The following SHLD1 variants were observed in gnomAD, a reference collection of about 807,000 sequenced individuals.
SHLD1 encodes RINN1-REV7-interacting novel NHEJ regulator 3.
A neutral mutation model predicts 5.5 loss-of-function variants in SHLD1; 3 were observed. That is an observed-to-expected ratio of 0.54 (90% CI 0.25 to 1.40). The LOEUF (loss-of-function observed/expected upper bound fraction) is 1.40. Among genes scored for constraint, SHLD1 ranks in the 40% most tolerant of loss-of-function variants. The pLI, the probability that SHLD1 is intolerant of heterozygous loss-of-function variation, is 0.15. For synonymous variants in SHLD1, 92 were observed against 94.3 expected, an observed-to-expected ratio of 0.98 and a Z score of 0.14; for missense variants, 210 against 244.4, an observed-to-expected ratio of 0.86 and a Z score of 0.94.
intron 2 of SHLD1, chr20:5,773,370 T>G (rs1985278846): frequency 3.5e-6 from 2 of 574,846 alleles, no homozygotes; most frequent in South Asian, 2.3e-5. Flanking sequence ...TTTTTTTGTT[T>G]TGTTCTTTTA....
chr20:5,761,457 C>T (rs1396760887), intron 1 of SHLD1, among the ~76,000 whole-genome samples: 5 of 151,314 alleles, frequency 3.3e-5, no homozygotes, highest in African/African-American at 1.2e-4. Context: ...AACAAAATGG[C>T]CCCTGGATGG....
intron 2 of SHLD1, among the ~76,000 whole-genome samples, chr20:5,840,298 C>A (rs900472701): frequency 3.3e-5 from 5 of 152,190 alleles, no homozygotes; most frequent in African/African-American, 1.2e-4. Flanking sequence ...CACTCAATAC[C>A]TATTCCAATC....
intron 2 of SHLD1, among the ~76,000 whole-genome samples, chr20:5,816,030 G>C (rs1295420130): frequency 7.1e-6 from 1 of 140,494 alleles, no homozygotes; most frequent in Admixed American, 7.7e-5. Context: ...GCAGTGAGCT[G>C]AGATCACACC....
At chr20:5,819,417 TTG>T (rs1445047198) in intron 2 of SHLD1, among the ~76,000 whole-genome samples, 1 of 152,256 alleles carries the variant, frequency 6.6e-6, no homozygotes, top group Admixed American at 6.5e-5. Context: ...ATGTTTGCCT[TTG>T]TAATTGCTTC....
intron 2 of SHLD1, among the ~76,000 whole-genome samples, chr20:5,848,181 A>G (rs1313460873): frequency 6.6e-6 from 1 of 152,224 alleles, no homozygotes; most frequent in Admixed American, 6.5e-5. Context: ...CACACAAAGC[A>G]ACACTCTTGC....
At chr20:5,770,092 A>G (rs1003947747) in intron 1 of SHLD1, among the ~76,000 whole-genome samples, 2 of 151,584 alleles carry the variant, frequency 1.3e-5, no homozygotes, top group African/African-American at 4.8e-5. Flanking sequence ...TTCGGCTACT[A>G]TTGACTTTCT....
At chr20:5,753,868 C>T (rs1347358861) in intron 1 of SHLD1, among the ~76,000 whole-genome samples, 4 of 152,174 alleles carry the variant, frequency 2.6e-5, no homozygotes, top group Non-Finnish European at 5.9e-5. Context: ...GGGGGAGATC[C>T]GTTCGGAACC....
intron 2 of SHLD1, among the ~76,000 whole-genome samples, chr20:5,849,284 G>C (rs562079514): frequency 2.0e-5 from 3 of 152,228 alleles, no homozygotes; most frequent in Non-Finnish European, 4.4e-5. Context: ...CGATGGTTCA[G>C]AGTGAATCAG....
chr20:5,823,452 G>A (rs1205166838), intron 2 of SHLD1, among the ~76,000 whole-genome samples: 1 of 141,632 alleles, frequency 7.1e-6, no homozygotes, highest in African/African-American at 2.6e-5. Context: ...GTTGTTTTTT[G>A]TTTTTTTTTT....
chr20:5,775,216 A>AT (rs1985369943), intron 2 of SHLD1, among the ~76,000 whole-genome samples: 2 of 150,264 alleles, frequency 1.3e-5, no homozygotes, highest in Admixed American at 1.3e-4. Flanking sequence ...TTTTTTTTTA[A>AT]TTTTTTTGTA....
At chr20:5,777,618 A>G in intron 2 of SHLD1, among the ~76,000 whole-genome samples, 1 of 140,048 alleles carries the variant, frequency 7.1e-6, no homozygotes, top group Non-Finnish European at 1.6e-5. Context: ...TTTTTTGTTT[A>G]GAGATGAGAT....
At chr20:5,846,326 C>T (rs2122481206) in intron 2 of SHLD1, among the ~76,000 whole-genome samples, 1 of 152,334 alleles carries the variant, frequency 6.6e-6, no homozygotes, top group East Asian at 1.9e-4. Flanking sequence ...AAGCAACCCT[C>T]TGGTGTCATT....
At chr20:5,775,923 A>ATGTTTTTTTTTTTTTTTT (rs1985401809) in intron 2 of SHLD1, among the ~76,000 whole-genome samples, 2 of 77,678 alleles carry the variant, frequency 2.6e-5, no homozygotes, top group African/African-American at 6.0e-5. Flanking sequence ...TCAGCTCAGG[A>ATGTTTTTTTTTTTTTTTT]TTTTTTTTTT....
intron 2 of SHLD1, among the ~76,000 whole-genome samples, chr20:5,826,139 G>A (rs2087662500): frequency 6.6e-6 from 1 of 152,198 alleles, no homozygotes; most frequent in Admixed American, 6.5e-5. Context: ...TGCTGTTCAG[G>A]TTTTGCTTTT....
chr20:5,808,307 TC>T (rs1334884257), intron 2 of SHLD1, among the ~76,000 whole-genome samples: 1 of 152,032 alleles, frequency 6.6e-6, no homozygotes, highest in African/African-American at 2.4e-5. Flanking sequence ...TTCATGCTTC[TC>T]CCCAGAAGTA....
chr20:5,842,338 T>C (rs2087874139), intron 2 of SHLD1, among the ~76,000 whole-genome samples: 2 of 152,226 alleles, frequency 1.3e-5, no homozygotes, highest in Admixed American at 6.5e-5. Context: ...AAATGAGCTT[T>C]GGATATAAGG....
intron 2 of SHLD1, among the ~76,000 whole-genome samples, chr20:5,841,272 T>C (rs2087856679): frequency 6.6e-6 from 1 of 152,156 alleles, no homozygotes; most frequent in African/African-American, 2.4e-5. Flanking sequence ...AGTACATAAA[T>C]CTTATGTGTT....
At chr20:5,768,715 C>T (rs565762445) in intron 1 of SHLD1, among the ~76,000 whole-genome samples, 4 of 152,314 alleles carry the variant, frequency 2.6e-5, no homozygotes, top group African/African-American at 9.6e-5. Context: ...ACATCTTACA[C>T]ATGGCATTTT....
intron 2 of SHLD1, among the ~76,000 whole-genome samples, chr20:5,841,169 G>T (rs957810242): frequency 1.6e-5 from 2 of 121,624 alleles, no homozygotes; most frequent in Non-Finnish European, 3.1e-5. Context: ...TGAAAATAGC[G>T]AGTGTGTGTG....
Sources: gnomAD v4.1 joint callset for allele counts (sites outside exome capture counted in the v4.1 genomes callset) on GRCh38, gnomAD v4.1.1 for gene constraint, MANE v1.5 for transcripts, NCBI Gene and HGNC (gene_info 2026-07-23, HGNC 2026-07-21) for gene names.